EIPR1: variants seen among roughly 807,000 people sequenced by gnomAD.
The protein encoded by EIPR1 is EARP and GARP complex-interacting protein 1.
A neutral mutation model predicts 48.1 loss-of-function variants in EIPR1; 25 were observed. The observed-to-expected ratio is 0.52, with a 90% CI of 0.38 to 0.73. The LOEUF is 0.73. Ranked by LOEUF, EIPR1 falls within the 30% of genes least tolerant of loss-of-function variation. The pLI is 0.00. For missense variants in EIPR1, 415 were observed against 506.2 expected (o/e 0.82, Z 1.73); for synonymous variants, 204 against 201.9 (o/e 1.01, Z -0.09).
intron 3 of EIPR1, among the ~76,000 whole-genome samples, chr2:3,284,010 T>C (rs1045413760): frequency 1.2e-4 from 18 of 150,872 alleles, no homozygotes; most frequent in African/African-American, 4.4e-4. Context: ...CCTGAGGATG[T>C]GCGAGGGAGC....
intron 5 of EIPR1, among the ~76,000 whole-genome samples, chr2:3,213,828 C>T (rs2103132943): frequency 6.6e-6 from 1 of 152,188 alleles, no homozygotes; most frequent in African/African-American, 2.4e-5. Context: ...TGAATTTAGC[C>T]CAAAGGTCCC....
chr2:3,278,947 G>T (rs558950529), intron 3 of EIPR1, among the ~76,000 whole-genome samples: 1 of 152,160 alleles, frequency 6.6e-6, no homozygotes, highest in Admixed American at 6.5e-5. Flanking sequence ...TGGTTGATAC[G>T]TGAGTTCACC....
intron 2 of EIPR1, among the ~76,000 whole-genome samples, chr2:3,342,689 G>T (rs1670287599): frequency 6.6e-6 from 1 of 152,194 alleles, no homozygotes; most frequent in Non-Finnish European, 1.5e-5. Flanking sequence ...TCTCCTCTAG[G>T]TTCACCTCTT....
chr2:3,353,064 T>C, intron 2 of EIPR1: 1 of 369,388 alleles, frequency 2.7e-6, no homozygotes, highest in South Asian at 2.1e-5. Context: ...AGAGACCATA[T>C]TCATATAACT....
At chr2:3,320,722 G>A (rs1468121733) in intron 3 of EIPR1, among the ~76,000 whole-genome samples, 1 of 152,170 alleles carries the variant, frequency 6.6e-6, no homozygotes, top group African/African-American at 2.4e-5. Context: ...AGTGACCCCA[G>A]TGAACTATTT....
intron 3 of EIPR1, among the ~76,000 whole-genome samples, chr2:3,289,440 G>A (rs1486496208): frequency 1.3e-5 from 2 of 152,182 alleles, no homozygotes; most frequent in Non-Finnish European, 2.9e-5. Context: ...AAGGGCAATG[G>A]CAGACCCAAA....
chr2:3,269,415 GCACTCAATCATCACACTCAATCATCACCA>G (rs1667612630), intron 3 of EIPR1, among the ~76,000 whole-genome samples: 1 of 66,290 alleles, frequency 1.5e-5, no homozygotes. Context: ...CTCAATCATC[GCACTCAATCATCACACTCAATCATCACCA>G]CACTCAATCA....
At chr2:3,366,243 G>C (rs1376304832) in intron 1 of EIPR1, among the ~76,000 whole-genome samples, 1 of 152,210 alleles carries the variant, frequency 6.6e-6, no homozygotes, top group African/African-American at 2.4e-5. Context: ...AGGAGGCAGA[G>C]GTTGCAGTGA....
At chr2:3,290,179 C>T (rs11896960) in intron 3 of EIPR1, among the ~76,000 whole-genome samples, 2,374 of 152,314 alleles carry the variant, frequency 0.016, 58 homozygotes, top group African/African-American at 0.055. Flanking sequence ...CAGGGCAGTG[C>T]GTGGCACAAG....
At chr2:3,205,766 T>A (rs541762302) in intron 5 of EIPR1, among the ~76,000 whole-genome samples, 1 of 152,184 alleles carries the variant, frequency 6.6e-6, no homozygotes, top group Non-Finnish European at 1.5e-5. Context: ...TAAGCCATCA[T>A]TGGCAGGTTA....
intron 3 of EIPR1, among the ~76,000 whole-genome samples, chr2:3,309,925 CTGTGTACGCACAGGTG>C (rs1258278596): frequency 3.9e-5 from 6 of 152,090 alleles, no homozygotes; most frequent in African/African-American, 1.4e-4. Flanking sequence ...GGCAGCGCCC[CTGTGTACGCACAGGTG>C]TGCAGGCTCT....
chr2:3,199,228 G>T (rs1281088453), intron 5 of EIPR1, among the ~76,000 whole-genome samples: 1 of 152,086 alleles, frequency 6.6e-6, no homozygotes, highest in African/African-American at 2.4e-5. Context: ...ATTGTCCCTT[G>T]TTCCCTGAAA....
chr2:3,234,668 T>C (rs1029014021), intron 4 of EIPR1, among the ~76,000 whole-genome samples: 3 of 152,348 alleles, frequency 2.0e-5, no homozygotes, highest in African/African-American at 7.2e-5. Flanking sequence ...GCACACACTG[T>C]AAAAGTGCGG....
At chr2:3,259,355 C>A (rs1667257057) in intron 3 of EIPR1, among the ~76,000 whole-genome samples, 1 of 116,074 alleles carries the variant, frequency 8.6e-6, no homozygotes, top group Non-Finnish European at 1.8e-5. Context: ...AGTGACTTTC[C>A]TGTAAACGCC....
At chr2:3,277,595 G>A (rs948889165) in intron 3 of EIPR1, among the ~76,000 whole-genome samples, 1 of 152,210 alleles carries the variant, frequency 6.6e-6, no homozygotes, top group Non-Finnish European at 1.5e-5. Context: ...CTACTCCCCG[G>A]GGTGTTCATC....
intron 2 of EIPR1, among the ~76,000 whole-genome samples, chr2:3,345,612 G>A (rs899635768): frequency 6.6e-5 from 10 of 151,426 alleles, no homozygotes; most frequent in East Asian, 5.8e-4. Context: ...GCAATAGAGC[G>A]AGACTCTGTC....
In EIPR1 at chr2:3,372,772, T is replaced by C. The variant is rs1175013061; in HGVS notation, c.42+4876A>G. 7.2e-5 allele frequency among the ~76,000 whole-genome samples: 11 copies of C among 152,290 alleles called. No individual in the cohort carries two copies. In the East Asian group the frequency reaches 7.7e-4, roughly 11 times the overall value. ...CAACCAAAAAGAGTCCAGGACCAGATGGATTCACAGCCGAATTCTACCAGA... is the reference window on the plus strand; with the variant it reads ...CAACCAAAAAGAGTCCAGGACCAGACGGATTCACAGCCGAATTCTACCAGA... On this transcript the variant is annotated intron_variant, in intron 1 of 8. Coordinates refer to ENST00000382125, the MANE Select transcript of EIPR1 (RefSeq NM_003310.5).
chr2:3,308,255 T>C (rs1290717433), intron 3 of EIPR1, among the ~76,000 whole-genome samples: 2 of 151,978 alleles, frequency 1.3e-5, no homozygotes, highest in Admixed American at 6.5e-5. Flanking sequence ...AATCAAAATT[T>C]GAATGAGAAA....
At chr2:3,362,745 G>A (rs1167931929) in intron 1 of EIPR1, among the ~76,000 whole-genome samples, 7 of 100,776 alleles carry the variant, frequency 6.9e-5, no homozygotes, top group Non-Finnish European at 5.0e-5. Flanking sequence ...AGTATCTGAA[G>A]ACAGAGGGCA....
Sources: gnomAD v4.1 joint callset for allele counts (sites outside exome capture counted in the v4.1 genomes callset) on GRCh38, gnomAD v4.1.1 for gene constraint, MANE v1.5 for transcripts, NCBI Gene and HGNC (gene_info 2026-07-23, HGNC 2026-07-21) for gene names.